The following CAPZB variants were observed in gnomAD, a reference collection of about 807,000 sequenced individuals.
CAPZB encodes the protein F-actin-capping protein subunit beta.
In CAPZB, 2 loss-of-function variants were observed where a neutral mutation model predicts 38.1. The observed-to-expected ratio is 0.05, with a 90% confidence interval of 0.02 to 0.17. CAPZB has a LOEUF of 0.17. CAPZB is among the 10% of genes least tolerant of loss of function. The probability of loss-of-function intolerance (pLI) is 1.00; values close to 1 mark genes in which losing one functional copy is unlikely to be tolerated. For missense variants in CAPZB, 161 were observed against 334.2 expected (o/e 0.48, Z 4.04); for synonymous variants, 107 against 127.4 (o/e 0.84, Z 1.08).
chr1:19,477,109 G>A (rs1457316795), intron 1 of CAPZB, among the ~76,000 whole-genome samples: 1 of 152,176 alleles, frequency 6.6e-6, no homozygotes. Flanking sequence ...GTGGGCATCC[G>A]GTAAATACTG....
chr1:19,390,269 C>T (rs1024867221), intron 2 of CAPZB, among the ~76,000 whole-genome samples: 6 of 152,184 alleles, frequency 3.9e-5, no homozygotes, highest in Non-Finnish European at 8.8e-5. Flanking sequence ...AACGACAGGT[C>T]CAAACAAAGC....
At chr1:19,484,481 G>C in intron 1 of CAPZB, 1 of 1,432,092 alleles carries the variant, frequency 7.0e-7, no homozygotes, top group South Asian at 1.3e-5. Flanking sequence ...GCCTCGAGAA[G>C]GGCCCGCAGA....
At chr1:19,385,095 A>G (rs929956801) in intron 3 of CAPZB, among the ~76,000 whole-genome samples, 5 of 152,062 alleles carry the variant, frequency 3.3e-5, no homozygotes, top group Non-Finnish European at 1.5e-5. Flanking sequence ...TAGATCCCTT[A>G]CCACAGAGAC....
chr1:19,476,202 AG>A lies in CAPZB; in HGVS notation c.3+9233del, dbSNP rs1181046507. ...TAGATAGATAGATAGATAGATAGAT[AG>A]ATAGATAGATAGATAGATAGATAGG... is the stretch of plus-strand genomic sequence containing the variant. On this transcript the variant is annotated intron_variant, in intron 1 of 8. Coordinates refer to ENST00000264202, the MANE Select transcript of CAPZB (RefSeq NM_004930.5). Among the ~76,000 whole-genome samples, 119 of 138,100 alleles carry A rather than the reference AG, an allele frequency of 8.6e-4. 1 individual carries two copies. Among genetic ancestry groups the A allele is most frequent in the Admixed American group, 2.3e-3 (33 of 14,666 alleles). The allele number at this position is 138,100 out of a possible 152,430, so 90.6% of individuals were successfully genotyped here.
At chr1:19,423,182 A>G (rs6686979) in intron 1 of CAPZB, among the ~76,000 whole-genome samples, 114,163 of 151,876 alleles carry the variant, frequency 0.75, 43,163 homozygotes, top group East Asian at 0.85. Context: ...CAAATTTCTA[A>G]GGTTAAGGAT....
intron 6 of CAPZB, among the ~76,000 whole-genome samples, chr1:19,352,966 G>T (rs774813481): frequency 2.0e-5 from 3 of 152,230 alleles, no homozygotes; most frequent in Non-Finnish European, 4.4e-5. Flanking sequence ...TGGGCACAGG[G>T]CATAGCCTGA....
In CAPZB at chr1:19,339,598, C is replaced by T; in HGVS notation, c.751G>A (p.Asp251Asn). Residue 251 changes from aspartate to asparagine, a missense_variant, in exon 9 of 9, where the codon GAC becomes AAC. Coordinates refer to ENST00000264202, the MANE Select transcript of CAPZB (RefSeq NM_004930.5). The stretch of plus-strand genomic sequence containing the variant: ...TTCAGAGCTTCTTGTTTTGATTTGT[C>T]TGCAAAAGTCTGCACAGACCTGCAA... ...NGLRSVQTFA[D>N]KSKQEALKND... 6.2e-7 allele frequency: 1 copy of T among 1,613,860 alleles called. No individual in the cohort carries two copies. The highest frequency in any genetic ancestry group is 8.5e-7 in the Non-Finnish European group (1 of 1,179,686).
At chr1:19,398,067 A>C (rs1475766344) in intron 2 of CAPZB, among the ~76,000 whole-genome samples, 1 of 152,144 alleles carries the variant, frequency 6.6e-6, no homozygotes, top group African/African-American at 2.4e-5. Flanking sequence ...AAGTGACAAT[A>C]AGGAGTCACA....
At chr1:19,351,129 C>T (rs1198482119) in intron 6 of CAPZB, among the ~76,000 whole-genome samples, 1 of 151,858 alleles carries the variant, frequency 6.6e-6, no homozygotes. Flanking sequence ...ATTACAGGTG[C>T]ATGCCACCAC....
chr1:19,422,566 C>T (rs757931005), intron 1 of CAPZB, among the ~76,000 whole-genome samples: 2 of 152,136 alleles, frequency 1.3e-5, no homozygotes, highest in Non-Finnish European at 2.9e-5. Context: ...GAATCCCCGT[C>T]TCTACTAAAA....
chr1:19,351,527 G>A (rs946486379), intron 6 of CAPZB, among the ~76,000 whole-genome samples: 1 of 152,096 alleles, frequency 6.6e-6, no homozygotes, highest in African/African-American at 2.4e-5. Flanking sequence ...TGTTGCCCAG[G>A]TTGGTCTTGA....
intron 1 of CAPZB, among the ~76,000 whole-genome samples, chr1:19,452,944 T>C (rs916961823): frequency 6.6e-6 from 1 of 151,700 alleles, no homozygotes; most frequent in Non-Finnish European, 1.5e-5. Context: ...GCTGGGATTA[T>C]AGGCACCTGT....
At chr1:19,378,339 G>A (rs2094154114) in intron 4 of CAPZB, among the ~76,000 whole-genome samples, 1 of 152,204 alleles carries the variant, frequency 6.6e-6, no homozygotes, top group Admixed American at 6.5e-5. Flanking sequence ...CACCAAACGA[G>A]TGCCCTGCAT....
chr1:19,400,511 G>A (rs777417109), intron 2 of CAPZB, among the ~76,000 whole-genome samples: 8 of 152,228 alleles, frequency 5.3e-5, no homozygotes, highest in Admixed American at 1.3e-4. Context: ...CCTGCCAACC[G>A]CGAGATGTTG....
intron 2 of CAPZB, among the ~76,000 whole-genome samples, chr1:19,389,766 C>T (rs2094222968): frequency 6.6e-6 from 1 of 152,182 alleles, no homozygotes; most frequent in African/African-American, 2.4e-5. Context: ...CAGCCAATCC[C>T]CACTGCTCTC....
Position 19,414,059 on chromosome 1 carries a change from C to A in CAPZB, c.93+5602G>T, listed in dbSNP as rs114074998. Among the ~76,000 whole-genome samples the A allele has an allele frequency of 4.1e-3, 625 of 152,298 alleles. 3 individuals are homozygous for A. The highest frequency in any genetic ancestry group is 0.027 in the South Asian group (129 of 4,824). On this transcript the variant is annotated intron_variant, in intron 2 of 8. Coordinates refer to ENST00000264202, the MANE Select transcript of CAPZB (RefSeq NM_004930.5). ...CCAGTCAATTACAAATGTGTGTGAGCTGGCTCCATGGGCTGCTTCACGGAG... is the reference window on the plus strand; with the variant it reads ...CCAGTCAATTACAAATGTGTGTGAGATGGCTCCATGGGCTGCTTCACGGAG...
At chr1:19,439,953 C>T (rs1472671325) in intron 1 of CAPZB, among the ~76,000 whole-genome samples, 1 of 152,194 alleles carries the variant, frequency 6.6e-6, no homozygotes, top group Non-Finnish European at 1.5e-5. Context: ...GTCTCTCTGG[C>T]TGCCATCCAC....
At chr1:19,473,644 A>C (rs2094597208) in intron 1 of CAPZB, among the ~76,000 whole-genome samples, 2 of 152,204 alleles carry the variant, frequency 1.3e-5, no homozygotes, top group Admixed American at 1.3e-4. Context: ...CAGGTGGATC[A>C]CCTGAGGTCA....
In CAPZB at chr1:19,443,124, C is replaced by T. The variant is rs371841658; in HGVS notation, c.4-23374G>A. ...ATTCCTGGCCAGGAGTGGTAGTTCACGCCTGTAATCACAGCACTTTGTGAG... is the reference window on the plus strand; with the variant it reads ...ATTCCTGGCCAGGAGTGGTAGTTCATGCCTGTAATCACAGCACTTTGTGAG... On this transcript the variant is annotated intron_variant, in intron 1 of 8. Transcript: ENST00000264202. 1.0e-3 allele frequency among the ~76,000 whole-genome samples: 153 copies of T among 152,110 alleles called. 3 individuals carry two copies. Among genetic ancestry groups the T allele is most frequent in the African/African-American group, 3.6e-3 (148 of 41,488 alleles).
Sources: allele counts gnomAD v4.1 joint callset (sites outside exome capture counted in the v4.1 genomes callset), GRCh38; gene constraint gnomAD v4.1.1; transcripts MANE v1.5; gene names NCBI Gene and HGNC (gene_info 2026-07-23, HGNC 2026-07-21).